SYNRG: variants seen among roughly 807,000 people sequenced by gnomAD.
SYNRG encodes the protein synergin gamma.
A neutral mutation model predicts 130.9 loss-of-function variants in SYNRG; 37 were observed. The ratio of observed to expected loss-of-function variants is 0.28; its 90% CI spans 0.22 to 0.37. The LOEUF (loss-of-function observed/expected upper bound fraction) is 0.37, where lower values mean the gene tolerates loss of function less well. SYNRG is among the 10% of genes least tolerant of loss of function. The pLI, the probability that SYNRG is intolerant of heterozygous loss-of-function variation, is 1.00. For missense variants in SYNRG, 1,338 were observed against 1,588.9 expected (o/e 0.84, Z 2.68); for synonymous variants, 539 against 568.1 (o/e 0.95, Z 0.73).
chr17:37,547,753 G>A (rs1341048048), intron 14 of SYNRG, among the ~76,000 whole-genome samples: 4 of 152,062 alleles, frequency 2.6e-5, no homozygotes, highest in African/African-American at 9.7e-5. Flanking sequence ...GTGAGCCACT[G>A]TGCCTGGCCG....
intron 11 of SYNRG, among the ~76,000 whole-genome samples, chr17:37,564,550 C>A (rs567471856): frequency 6.6e-6 from 1 of 152,336 alleles, no homozygotes; most frequent in South Asian, 2.1e-4. Context: ...CTGGTGCCGT[C>A]CTTAACTAAT....
chr17:37,530,003 G>GTA (rs1160546891), intron 19 of SYNRG, among the ~76,000 whole-genome samples: 1 of 152,010 alleles, frequency 6.6e-6, no homozygotes, highest in Non-Finnish European at 1.5e-5. Context: ...TACAGTCCTG[G>GTA]TATATATATG....
intron 14 of SYNRG, among the ~76,000 whole-genome samples, chr17:37,544,735 G>A (rs924868547): frequency 2.6e-5 from 4 of 152,168 alleles, no homozygotes; most frequent in Non-Finnish European, 5.9e-5. Context: ...GGGACCAGAA[G>A]GTGTCCAGAC....
intron 3 of SYNRG, among the ~76,000 whole-genome samples, chr17:37,593,741 G>T (rs1385389867): frequency 6.6e-6 from 1 of 151,746 alleles, no homozygotes; most frequent in Admixed American, 6.6e-5. Flanking sequence ...AAAATTAGCC[G>T]GGCGTGGTGG....
At chr17:37,606,900 T>G (rs977433368) in intron 1 of SYNRG, among the ~76,000 whole-genome samples, 11 of 152,130 alleles carry the variant, frequency 7.2e-5, no homozygotes, top group African/African-American at 2.7e-4. Context: ...TTTCTTCAAA[T>G]ATACTTAGGT....
rs560053275 is a variant in SYNRG, at chr17:37,540,422, G to A, written c.3324C>T (p.Pro1108=). The change falls in exon 16 of 22, where the codon CCC becomes CCT. Residue 1108 remains proline, a synonymous_variant. Coordinates refer to ENST00000612223, the MANE Select transcript of SYNRG (RefSeq NM_007247.6). The stretch of plus-strand genomic sequence containing the variant: ...GGTCTTTGTACTTGTCTCGGATGAC[G>A]GGCAGGGCGGGCTTCTCATTCAGAG... The part of the protein sequence containing the change: ...SNTLNEKPAL[P]VIRDKYKDLT... 3.8e-5 allele frequency: 62 copies of A among 1,613,778 alleles called. No homozygotes were observed. The highest frequency in any genetic ancestry group is 9.9e-5 in the South Asian group (9 of 91,054).
chr17:37,570,558 CTCTATGTATCCCCG>C (rs2060345472), intron 10 of SYNRG, 65 bp downstream of exon 10: 2 of 1,508,694 alleles, frequency 1.3e-6, no homozygotes, highest in Admixed American at 2.2e-5. Context: ...CAGTAACCTA[CTCTATGTATCCCCG>C]GAAAAAATGG....
chr17:37,585,469 G>T, intron 4 of SYNRG, 39 bp from the exon 5 acceptor site: 2 of 1,382,062 alleles, frequency 1.4e-6, no homozygotes, highest in Non-Finnish European at 2.0e-6. Context: ...CAGCTCCCGG[G>T]ATTATACACT....
At chr17:37,600,461 A>G in intron 1 of SYNRG, 58 bp from the exon 2 acceptor site, 1 of 1,549,188 alleles carries the variant, frequency 6.5e-7, no homozygotes, top group Non-Finnish European at 8.9e-7. Flanking sequence ...TTCAAATAAC[A>G]CGTGTACTTT....
At position 37,571,736 on chromosome 17, in the gene SYNRG, C is replaced by T. The variant is rs565361360; in HGVS notation, c.1098+55G>A. 7.7e-5 allele frequency: 115 copies of T among 1,498,380 alleles called. 1 individual carries two copies. In the South Asian group the frequency reaches 9.1e-4, roughly 12 times the overall value. 92.8% of individuals were successfully genotyped at this position (1,498,380 alleles called of 1,614,324 possible). On this transcript the variant is annotated intron_variant, in intron 9 of 21. Transcript: ENST00000612223. ...CAATGTAGTAAAAAAGATTTCATAT[C>T]CTTGCAATTTATATTAATAAAGTTA... is the stretch of plus-strand genomic sequence containing the variant.
At chr17:37,525,032 A>G (rs2055657194) in intron 19 of SYNRG, among the ~76,000 whole-genome samples, 1 of 152,242 alleles carries the variant, frequency 6.6e-6, no homozygotes, top group Admixed American at 6.5e-5. Context: ...AATGAAAACC[A>G]TAAGGCTCTG....
intron 19 of SYNRG, chr17:37,529,813 G>C (rs1336035792): frequency 1.3e-6 from 2 of 1,551,576 alleles, no homozygotes; most frequent in South Asian, 2.4e-5. Context: ...GGTAAGGAGA[G>C]AGATGCTTTG....
chr17:37,554,160 C>A, intron 13 of SYNRG, 101 bp from the exon 14 acceptor site: 1 of 1,054,722 alleles, frequency 9.5e-7, no homozygotes. Flanking sequence ...GACTTTTCTC[C>A]ACTGACTTGA....
intron 13 of SYNRG, among the ~76,000 whole-genome samples, chr17:37,555,621 C>A (rs2059059957): frequency 6.6e-6 from 1 of 152,162 alleles, no homozygotes; most frequent in Admixed American, 6.5e-5. Context: ...TATGCCAAGG[C>A]CGAACACAGT....
chr17:37,579,215 G>C (rs2061090310), intron 6 of SYNRG: 1 of 1,261,452 alleles, frequency 7.9e-7, no homozygotes, highest in Non-Finnish European at 1.0e-6. Context: ...AAAAGGCACT[G>C]GACTCTGACT....
intron 17 of SYNRG, 185 bp downstream of exon 17, chr17:37,539,007 C>A: frequency 3.1e-6 from 3 of 978,048 alleles, no homozygotes; most frequent in Non-Finnish European, 3.6e-6. Context: ...ATGAGCCGGT[C>A]TGCTATTGTA....
intron 19 of SYNRG, among the ~76,000 whole-genome samples, chr17:37,530,278 A>C (rs987879117): frequency 6.6e-6 from 1 of 152,204 alleles, no homozygotes; most frequent in Admixed American, 6.5e-5. Context: ...CTTCATCTGT[A>C]AACGGGGAGA....
At chr17:37,540,228 C>CTA (rs2057617364) in intron 16 of SYNRG, 152 bp downstream of exon 16, 1 of 976,874 alleles carries the variant, frequency 1.0e-6, no homozygotes, top group Non-Finnish European at 1.5e-6. Flanking sequence ...CTAATGTTAC[C>CTA]CTTGCCTCAC....
intron 13 of SYNRG, among the ~76,000 whole-genome samples, chr17:37,560,669 ATTT>A (rs749040118): frequency 1.6e-5 from 2 of 125,882 alleles, no homozygotes; most frequent in Admixed American, 8.2e-5. Context: ...AACAATAGCT[ATTT>A]TTTTTTTTTT....
Sources: gnomAD v4.1 joint callset for allele counts (sites outside exome capture counted in the v4.1 genomes callset) on GRCh38, gnomAD v4.1.1 for gene constraint, MANE v1.5 for transcripts, NCBI Gene and HGNC (gene_info 2026-07-23, HGNC 2026-07-21) for gene names.